The following SLC2A14 variants were observed in gnomAD, a reference collection of about 807,000 sequenced individuals.
SLC2A14 encodes solute carrier family 2, facilitated glucose transporter member 14.
Under a neutral mutation model 43.0 loss-of-function variants are expected in SLC2A14, and 13 were observed. The observed-to-expected ratio is 0.30, with a 90% CI of 0.20 to 0.48. SLC2A14 has a LOEUF of 0.48. Among genes scored for constraint, SLC2A14 ranks in the 20% least tolerant of loss-of-function variants. SLC2A14 has a pLI of 0.99. For missense variants in SLC2A14, 428 were observed against 620.4 expected (o/e 0.69, Z 3.29); for synonymous variants, 190 against 233.8 (o/e 0.81, Z 1.71).
chr12:7,873,464 A>G, upstream of SLC2A14: 1 of 571,408 alleles, frequency 1.8e-6, no homozygotes, highest in Non-Finnish European at 2.2e-6. Flanking sequence ...CAACATGGCG[A>G]AACCCAGTCT....
chr12:7,819,523 C>A lies in SLC2A14; in HGVS notation c.1030G>T (p.Ala344Ser), dbSNP rs368640980. 12 of 1,612,192 alleles carry A rather than the reference C, an allele frequency of 7.4e-6. No homozygotes were observed. The highest frequency in any genetic ancestry group is 1.3e-5 in the African/African-American group (1 of 74,708). ...TLHMIGLGGM[A>S]FCSTLMTVSL... Reference sequence around the variant, plus strand: ...ACAGTCATGAGCGTGGAACAAAAAGCCATCCCTCCAAGGCCTATCATATGC... The same window carrying A: ...ACAGTCATGAGCGTGGAACAAAAAGACATCCCTCCAAGGCCTATCATATGC... Residue 344 changes from alanine to serine, a missense_variant, in exon 9 of 11, where the codon GCT becomes TCT. Ala to Ser is a moderately conservative substitution (Grantham distance 99). Transcript: ENST00000431042.
intron 7 of SLC2A14, among the ~76,000 whole-genome samples, chr12:7,826,921 TTTTTC>T (rs1864481924): frequency 8.5e-6 from 1 of 117,220 alleles, no homozygotes; most frequent in Non-Finnish European, 1.9e-5. Context: ...TTCTTTTTCC[TTTTTC>T]TTTCCTTTCC....
intron 2 of SLC2A14, chr12:7,840,044 C>T (rs945373819): frequency 1.2e-5 from 4 of 325,410 alleles, no homozygotes; most frequent in African/African-American, 9.6e-5. Flanking sequence ...CCCGGGAGGT[C>T]AAGCCTGCAG....
At chr12:7,832,629 C>T in intron 3 of SLC2A14, 93 bp downstream of exon 3, 1 of 1,419,220 alleles carries the variant, frequency 7.0e-7, no homozygotes, top group South Asian at 1.2e-5. Flanking sequence ...GCAGGTGCCA[C>T]CATGCCTGGC....
At chr12:7,843,165 A>G (rs933754023) in intron 2 of SLC2A14, among the ~76,000 whole-genome samples, 8 of 149,394 alleles carry the variant, frequency 5.4e-5, no homozygotes, top group East Asian at 2.0e-4. Flanking sequence ...CAGCTGACCA[A>G]TCCTTCCTGA....
chr12:7,868,781 G>A (rs532622464), intron 2 of SLC2A14, among the ~76,000 whole-genome samples: 40 of 152,122 alleles, frequency 2.6e-4, no homozygotes, highest in Non-Finnish European at 3.7e-4. Flanking sequence ...GCCGAGGCAG[G>A]TGGATCACCA....
At chr12:7,826,529 A>T (rs1044624351) in intron 7 of SLC2A14, among the ~76,000 whole-genome samples, 1 of 152,178 alleles carries the variant, frequency 6.6e-6, no homozygotes, top group Non-Finnish European at 1.5e-5. Flanking sequence ...AATCCCATTG[A>T]TCAAAGACTA....
At chr12:7,829,573 AG>A (rs1864821354) in intron 5 of SLC2A14, among the ~76,000 whole-genome samples, 192 bp downstream of exon 5, 1 of 151,994 alleles carries the variant, frequency 6.6e-6, no homozygotes, top group African/African-American at 2.4e-5. Flanking sequence ...AAAAAGAAAA[AG>A]AAAAAAGGAA....
chr12:7,844,555 T>G (rs982376713), intron 2 of SLC2A14, among the ~76,000 whole-genome samples: 1 of 151,648 alleles, frequency 6.6e-6, no homozygotes, highest in Admixed American at 6.6e-5. Context: ...TTTTTTTTTT[T>G]AGACAGGGTC....
upstream of SLC2A14, among the ~76,000 whole-genome samples, chr12:7,874,750 A>ACT (rs1565584423): frequency 3.3e-4 from 36 of 110,244 alleles, no homozygotes; most frequent in South Asian, 1.9e-3. Flanking sequence ...AATATATATA[A>ACT]ATATTTATAT....
At chr12:7,837,845 C>A (rs1451695910) in intron 2 of SLC2A14, among the ~76,000 whole-genome samples, 1 of 152,018 alleles carries the variant, frequency 6.6e-6, no homozygotes, top group African/African-American at 2.4e-5. Flanking sequence ...GCAACCTCCA[C>A]CTCCTGCGTT....
At chr12:7,872,660 A>C (rs1242633628) in intron 1 of SLC2A14, 147 bp downstream of exon 1, 4 of 545,466 alleles carry the variant, frequency 7.3e-6, no homozygotes, top group Non-Finnish European at 9.3e-6. Context: ...CTCCAAGGCT[A>C]GTTTCCCAGA....
intron 2 of SLC2A14, among the ~76,000 whole-genome samples, chr12:7,863,033 G>A (rs1944673986): frequency 6.6e-6 from 1 of 152,124 alleles, no homozygotes; most frequent in African/African-American, 2.4e-5. Flanking sequence ...CAGCTTGGGT[G>A]TCCTTTCAAA....
At chr12:7,871,209 T>TCATGAGG (rs755414056) in intron 1 of SLC2A14, 1 of 1,253,450 alleles carries the variant, frequency 8.0e-7, no homozygotes, top group Non-Finnish European at 1.0e-6. Context: ...CAGGTTTCAT[T>TCATGAGG]CATGAGGACC....
chr12:7,873,206 G>A, upstream of SLC2A14: 1 of 985,498 alleles, frequency 1.0e-6, no homozygotes, highest in Non-Finnish European at 1.2e-6. Flanking sequence ...CACCACCCTT[G>A]GCGCCGCCGT....
At chr12:7,881,383 GC>G (rs1945568496) in intron 1 of SLC2A14, among the ~76,000 whole-genome samples, 1 of 151,786 alleles carries the variant, frequency 6.6e-6, no homozygotes, top group African/African-American at 2.4e-5. Context: ...CGGCCGGCCG[GC>G]CGGCCCTGGT....
At chr12:7,843,903 AC>A (rs1240247962) in intron 2 of SLC2A14, among the ~76,000 whole-genome samples, 1 of 150,322 alleles carries the variant, frequency 6.7e-6, no homozygotes, top group Admixed American at 6.6e-5. Flanking sequence ...CAAGAAAAAA[AC>A]ACATTGTTTT....
Position 7,878,843 on chromosome 12 carries a change from G to A in SLC2A14, c.132+12153C>T, listed in dbSNP as rs553573305. Reference sequence around the variant, plus strand: ...AATACAAAAATTAGCTGGGCATGCTGGCACCTGCCTGTAATCCCAGCTACT... The same window carrying A: ...AATACAAAAATTAGCTGGGCATGCTAGCACCTGCCTGTAATCCCAGCTACT... On this transcript the variant is annotated intron_variant, in intron 1 of 9. Transcript: ENST00000539924. Among the ~76,000 whole-genome samples the A allele has an allele frequency of 8.1e-4, 123 of 151,554 alleles. 1 individual carries two copies. The highest frequency in any genetic ancestry group is 1.9e-3 in the South Asian group (9 of 4,790).
chr12:7,820,493 T>C (rs1044787287), intron 8 of SLC2A14, among the ~76,000 whole-genome samples: 4 of 152,122 alleles, frequency 2.6e-5, no homozygotes, highest in African/African-American at 9.7e-5. Flanking sequence ...CTCCAGGTAG[T>C]GTCAGAATTA....
Sources: allele counts gnomAD v4.1 joint callset (sites outside exome capture counted in the v4.1 genomes callset), GRCh38; gene constraint gnomAD v4.1.1; transcripts MANE v1.5; gene names NCBI Gene and HGNC (gene_info 2026-07-23, HGNC 2026-07-21).